Variants in TCAIM observed in about 807,000 individuals in gnomAD.
TCAIM encodes T-cell activation inhibitor, mitochondrial.
A neutral mutation model predicts 58.6 loss-of-function variants in TCAIM; 36 were observed. The observed-to-expected ratio is 0.61, with a 90% CI of 0.47 to 0.81. The LOEUF is 0.81. Ranked by LOEUF, TCAIM falls within the 30% of genes least tolerant of loss-of-function variation. The probability of loss-of-function intolerance (pLI) is 0.00; values close to 1 mark genes in which losing one functional copy is unlikely to be tolerated. For synonymous variants in TCAIM, 172 were observed against 193.6 expected (o/e 0.89, Z 0.93); for missense variants, 466 against 579.6 (o/e 0.80, Z 2.01).
chr3:44,406,732 T>C (rs1263438889), intron 10 of TCAIM, among the ~76,000 whole-genome samples: 1 of 152,248 alleles, frequency 6.6e-6, no homozygotes, highest in Non-Finnish European at 1.5e-5. Context: ...TTTTGCTTTA[T>C]TCACGTTGTT....
At position 44,396,736 on chromosome 3, in the gene TCAIM, T is replaced by A. The variant is rs779648016; in HGVS notation, c.794-7T>A. 1 of 1,613,302 alleles carries A rather than the reference T, an allele frequency of 6.2e-7. No homozygotes were observed. The highest frequency in any genetic ancestry group is 2.2e-5 in the East Asian group (1 of 44,874). ...CCATGACCAAAGGTTTTGTGTTTTG[T>A]CATCAGGGTGTACAATCATATTTAC... On this transcript the variant is annotated splice_region_variant and splice_polypyrimidine_tract_variant and intron_variant, in intron 7 of 10. Coordinates refer to ENST00000342649, the MANE Select transcript of TCAIM (RefSeq NM_173826.4).
intron 1 of TCAIM, among the ~76,000 whole-genome samples, chr3:44,343,893 T>C (rs1700907255): frequency 6.6e-6 from 1 of 152,234 alleles, no homozygotes; most frequent in Non-Finnish European, 1.5e-5. Flanking sequence ...TATTAGTCAT[T>C]TCTCAGTAGT....
chr3:44,351,211 A>T (rs1701081555), intron 1 of TCAIM, among the ~76,000 whole-genome samples: 1 of 151,938 alleles, frequency 6.6e-6, no homozygotes. Context: ...CTGGTCTCGA[A>T]CTCCTGACCT....
At position 44,398,302 on chromosome 3, in the gene TCAIM, C is replaced by T. The variant is rs138570098; in HGVS notation, c.885+1468C>T. 3.3e-4 allele frequency among the ~76,000 whole-genome samples: 50 copies of T among 152,092 alleles called. 1 individual carries two copies. The highest frequency in any genetic ancestry group is 1.1e-3 in the African/African-American group (47 of 41,488). On this transcript the variant is annotated intron_variant, in intron 8 of 10. Transcript: ENST00000342649. ...ATAAAAAGCCGGGCATGGTGGCAGG[C>T]GCCTATAGTCCCAGCTATTTGGGAG...
chr3:44,357,759 A>G lies in TCAIM; in HGVS notation c.48A>G (p.Ile16Met), dbSNP rs759686770. ...RPMRRLCLEK[I>M]FPHWFPFSRA... ...TTAAAAGGTTATGTCTAGAGAAGATATTTCCACACTGGTTTCCCTTTTCAA... is the reference window on the plus strand; with the variant it reads ...TTAAAAGGTTATGTCTAGAGAAGATGTTTCCACACTGGTTTCCCTTTTCAA... The change falls in exon 3 of 11, where the codon ATA (isoleucine) becomes ATG (methionine). Residue 16 changes from isoleucine (I) to methionine (M), a missense_variant. Transcript: ENST00000342649. 6.8e-6 allele frequency: 11 copies of G among 1,614,138 alleles called. No homozygotes were observed. The Admixed American group carries it at 8.3e-5, about 12-fold the overall frequency.
intron 5 of TCAIM, among the ~76,000 whole-genome samples, chr3:44,379,024 A>G (rs562592823): frequency 1.4e-5 from 2 of 144,864 alleles, no homozygotes; most frequent in Non-Finnish European, 3.0e-5. Flanking sequence ...GCCAGGCTTC[A>G]TGCCATGTGC....
chr3:44,346,471 T>C (rs1700970743), intron 1 of TCAIM, among the ~76,000 whole-genome samples: 1 of 152,126 alleles, frequency 6.6e-6, no homozygotes, highest in Admixed American at 6.5e-5. Flanking sequence ...TTGCCAGTCC[T>C]GGGCAGGGGC....
intron 5 of TCAIM, among the ~76,000 whole-genome samples, chr3:44,385,356 T>C (rs1254193791): frequency 1.3e-5 from 2 of 152,160 alleles, no homozygotes; most frequent in African/African-American, 4.8e-5. Context: ...CAGAGTGTTT[T>C]ACCCTAAAAA....
At chr3:44,405,640 C>T (rs1157077097) in intron 10 of TCAIM, among the ~76,000 whole-genome samples, 1 of 151,934 alleles carries the variant, frequency 6.6e-6, no homozygotes, top group African/African-American at 2.4e-5. Context: ...GACAGTGATA[C>T]TCCAGCCTGG....
intron 10 of TCAIM, among the ~76,000 whole-genome samples, chr3:44,405,080 A>G (rs1018364370): frequency 1.3e-5 from 2 of 152,150 alleles, no homozygotes; most frequent in Non-Finnish European, 1.5e-5. Flanking sequence ...CCTGGCTGGC[A>G]TATAGACAGT....
chr3:44,399,691 C>T (rs1305704617), intron 8 of TCAIM, among the ~76,000 whole-genome samples: 1 of 152,194 alleles, frequency 6.6e-6, no homozygotes, highest in Non-Finnish European at 1.5e-5. Context: ...CATTCATGTG[C>T]CATTTCTAAA....
chr3:44,343,364 A>C (rs1035051347), intron 1 of TCAIM, among the ~76,000 whole-genome samples: 3 of 152,210 alleles, frequency 2.0e-5, no homozygotes, highest in Admixed American at 1.3e-4. Flanking sequence ...GGAAGTGTTT[A>C]GATCAGCACA....
Position 44,349,849 on chromosome 3 carries a change from G to A in TCAIM, c.-44-4890G>A, listed in dbSNP as rs139238362. ...AAGAAGTTGAGGGATAGTGAGAGAG[G>A]TTGGAGAAGAGAGTAGAAAGAGGCC... On this transcript the variant is annotated intron_variant, in intron 1 of 10. Coordinates refer to ENST00000342649, the MANE Select transcript of TCAIM (RefSeq NM_173826.4). 2.6e-3 allele frequency among the ~76,000 whole-genome samples: 397 copies of A among 152,306 alleles called. 1 individual carries two copies. The highest frequency in any genetic ancestry group is 3.8e-3 in the Non-Finnish European group (259 of 68,034).
chr3:44,391,219 C>T (rs1301599538), intron 5 of TCAIM: 1 of 151,996 alleles, frequency 6.6e-6, no homozygotes, highest in East Asian at 1.9e-4. Context: ...TGGAGTCTCG[C>T]TCTGTCACCC....
intron 5 of TCAIM, among the ~76,000 whole-genome samples, chr3:44,377,895 A>G (rs1283578624): frequency 6.6e-6 from 1 of 152,232 alleles, no homozygotes; most frequent in Admixed American, 6.5e-5. Context: ...CAAAGATTTC[A>G]TGATGAAGAT....
intron 5 of TCAIM, among the ~76,000 whole-genome samples, chr3:44,373,052 G>C (rs1028115763): frequency 1.3e-5 from 2 of 152,000 alleles, no homozygotes; most frequent in Admixed American, 6.6e-5. Context: ...GAGAAGTGCA[G>C]GGTAAAATTG....
rs150531806 is a variant in TCAIM, at chr3:44,386,601, C to T, written c.573-6254C>T. Among the ~76,000 whole-genome samples, 5 of 152,388 alleles carry T rather than the reference C, an allele frequency of 3.3e-5. No individual in the cohort carries two copies. In the East Asian group the frequency reaches 9.6e-4, roughly 29 times the overall value. On this transcript the variant is annotated intron_variant, in intron 5 of 10. Coordinates refer to ENST00000342649, the MANE Select transcript of TCAIM (RefSeq NM_173826.4). ...GCTCAGAAGCACCTGCTCCCACTCC[C>T]TGGCCTCTCTCCACTCCCAGTGCCT...
intron 5 of TCAIM, among the ~76,000 whole-genome samples, chr3:44,390,394 G>A (rs935828714): frequency 1.3e-5 from 2 of 152,212 alleles, no homozygotes; most frequent in Admixed American, 1.3e-4. Context: ...AACGCGGGAG[G>A]ATCATTTGAG....
chr3:44,407,775 A>T lies in TCAIM; in HGVS notation c.*93A>T. On this transcript the variant is annotated 3_prime_UTR_variant, in exon 11 of 11. Transcript: ENST00000342649. Reference sequence around the variant, plus strand: ...AATTTGATATAACAGTATTATTTACATAAGAACAAAGTTTCTAACTGCTGC... The same window carrying T: ...AATTTGATATAACAGTATTATTTACTTAAGAACAAAGTTTCTAACTGCTGC... 5 of 1,284,006 alleles carry T rather than the reference A, an allele frequency of 3.9e-6. No homozygotes were observed. Among genetic ancestry groups the T allele is most frequent in the Non-Finnish European group, 5.2e-6 (5 of 965,754 alleles). 79.5% of individuals were successfully genotyped at this position (1,284,006 alleles called of 1,614,324 possible).
Sources: allele counts gnomAD v4.1 joint callset (sites outside exome capture counted in the v4.1 genomes callset), GRCh38; gene constraint gnomAD v4.1.1; transcripts MANE v1.5; gene names NCBI Gene and HGNC (gene_info 2026-07-23, HGNC 2026-07-21).